DTD1: variants seen among roughly 807,000 people sequenced by gnomAD.
The protein encoded by DTD1 is D-aminoacyl-tRNA deacylase 1.
A neutral mutation model predicts 25.6 loss-of-function variants in DTD1; 13 were observed. That is an observed-to-expected ratio of 0.51 (90% CI 0.33 to 0.81). The LOEUF (loss-of-function observed/expected upper bound fraction) is 0.81, where lower values mean the gene tolerates loss of function less well. DTD1 is among the 30% of genes least tolerant of loss of function. DTD1 has a pLI of 0.02. For synonymous variants in DTD1, 110 were observed against 103.6 expected, an observed-to-expected ratio of 1.06 and a Z score of -0.37; for missense variants, 193 against 266.4, an observed-to-expected ratio of 0.72 and a Z score of 1.92.
intron 4 of DTD1, among the ~76,000 whole-genome samples, chr20:18,730,416 C>T (rs1341675141): frequency 6.6e-6 from 1 of 152,216 alleles, no homozygotes; most frequent in Non-Finnish European, 1.5e-5. Flanking sequence ...ATTTATACTC[C>T]TATCACCAAC....
rs745536238 is a variant in DTD1 at position 18,744,249 on chromosome 20, G to A, written c.627G>A (p.Pro209=). 21 of 1,611,330 alleles carry A rather than the reference G, an allele frequency of 1.3e-5. No homozygotes were observed. The highest frequency in any genetic ancestry group is 1.7e-5 in the Non-Finnish European group (20 of 1,179,794). ...GCGACGTGTCCTCTGAACGGGAGCC[G>A]TAGCTCAGGAGGCAGAATTCAGGTA... The part of the protein sequence containing the change: ...AEGDVSSERE[P] The change falls in exon 5 of 6, where the codon CCG becomes CCA. Residue 209 remains proline (P), a synonymous_variant. Transcript: ENST00000377452.
intron 4 of DTD1, among the ~76,000 whole-genome samples, chr20:18,726,538 A>G (rs2061223088): frequency 6.6e-6 from 1 of 152,152 alleles, no homozygotes; most frequent in Non-Finnish European, 1.5e-5. Flanking sequence ...CTTCACCAAA[A>G]TTTAGGTGCC....
At chr20:18,708,367 T>A (rs1377523715) in intron 4 of DTD1, among the ~76,000 whole-genome samples, 7 of 116,470 alleles carry the variant, frequency 6.0e-5, no homozygotes, top group Admixed American at 2.3e-4. Flanking sequence ...TATATATATT[T>A]TTTTTTGATA....
chr20:18,739,242 G>T (rs1300613461), intron 4 of DTD1, among the ~76,000 whole-genome samples: 2 of 152,208 alleles, frequency 1.3e-5, no homozygotes, highest in Admixed American at 1.3e-4. Flanking sequence ...TGTTCAACTA[G>T]TTCATTCTTA....
At chr20:18,633,232 C>T (rs906972887) in intron 4 of DTD1, among the ~76,000 whole-genome samples, 3 of 152,116 alleles carry the variant, frequency 2.0e-5, no homozygotes, top group Non-Finnish European at 4.4e-5. Context: ...GCTGTCTTTC[C>T]CTCCATCCCT....
intron 4 of DTD1, among the ~76,000 whole-genome samples, chr20:18,731,527 C>G (rs986231461): frequency 6.6e-6 from 1 of 152,152 alleles, no homozygotes; most frequent in Non-Finnish European, 1.5e-5. Context: ...CAATCCTTGT[C>G]CTCTTATCCA....
At chr20:18,662,514 C>T (rs1248736023) in intron 4 of DTD1, among the ~76,000 whole-genome samples, 2 of 152,202 alleles carry the variant, frequency 1.3e-5, no homozygotes, top group Non-Finnish European at 2.9e-5. Flanking sequence ...TCCACTTCTG[C>T]AAGCTGCTCC....
At chr20:18,631,025 T>G (rs2060785496) in intron 4 of DTD1, 1 of 982,038 alleles carries the variant, frequency 1.0e-6, no homozygotes, top group African/African-American at 1.7e-5. Flanking sequence ...ACCAGATACC[T>G]CCATGTTAGA....
chr20:18,761,482 C>T (rs927931071), intron 5 of DTD1, among the ~76,000 whole-genome samples: 1 of 152,072 alleles, frequency 6.6e-6, no homozygotes, highest in East Asian at 1.9e-4. Flanking sequence ...TATAGTGTCA[C>T]CTGTTTTTTA....
chr20:18,632,693 T>C (rs1032747388), intron 4 of DTD1: 2 of 970,258 alleles, frequency 2.1e-6, no homozygotes, highest in Admixed American at 6.1e-5. Flanking sequence ...AATTTCAACG[T>C]TATAGAAAAA....
intron 4 of DTD1, among the ~76,000 whole-genome samples, chr20:18,651,634 A>G (rs1433770636): frequency 6.6e-6 from 1 of 152,238 alleles, no homozygotes; most frequent in Non-Finnish European, 1.5e-5. Flanking sequence ...AGGTCCCAGC[A>G]TAGGCTGAGC....
chr20:18,737,098 C>T (rs1302837013), intron 4 of DTD1, among the ~76,000 whole-genome samples: 1 of 152,226 alleles, frequency 6.6e-6, no homozygotes, highest in African/African-American at 2.4e-5. Flanking sequence ...TCAGTTCTGC[C>T]TAGGGTGCCC....
chr20:18,737,310 C>G (rs918091993), intron 4 of DTD1, among the ~76,000 whole-genome samples: 2 of 152,190 alleles, frequency 1.3e-5, no homozygotes, highest in Non-Finnish European at 2.9e-5. Flanking sequence ...CCCTGGAGTG[C>G]CCCTGCCTTC....
At chr20:18,685,126 C>T (rs2061011577) in intron 4 of DTD1, among the ~76,000 whole-genome samples, 1 of 152,138 alleles carries the variant, frequency 6.6e-6, no homozygotes, top group Admixed American at 6.5e-5. Context: ...CAGTCCCAAA[C>T]TGCTAGCCTC....
intron 4 of DTD1, among the ~76,000 whole-genome samples, chr20:18,671,216 G>A (rs1264970979): frequency 6.6e-6 from 1 of 152,074 alleles, no homozygotes; most frequent in Non-Finnish European, 1.5e-5. Context: ...TTGAGACCTT[G>A]GTCTCATTAC....
chr20:18,681,375 CT>C (rs1186051868), intron 4 of DTD1, among the ~76,000 whole-genome samples: 1 of 152,184 alleles, frequency 6.6e-6, no homozygotes, highest in African/African-American at 2.4e-5. Context: ...CCCACAGACA[CT>C]TTTTATGGCA....
chr20:18,697,003 C>G (rs566812200), intron 4 of DTD1, among the ~76,000 whole-genome samples: 1 of 151,522 alleles, frequency 6.6e-6, no homozygotes, highest in African/African-American at 2.4e-5. Context: ...GTGGCAGAGG[C>G]GGGCAGATCA....
intron 3 of DTD1, among the ~76,000 whole-genome samples, chr20:18,608,334 C>G (rs1004018500): frequency 6.7e-6 from 1 of 149,790 alleles, no homozygotes; most frequent in Non-Finnish European, 1.5e-5. Context: ...TTGATTTTCT[C>G]TACTGGTTTC....
At chr20:18,656,036 G>A (rs1483798972) in intron 4 of DTD1, among the ~76,000 whole-genome samples, 1 of 152,154 alleles carries the variant, frequency 6.6e-6, no homozygotes, top group East Asian at 1.9e-4. Context: ...CTTCCAAAGT[G>A]CTGGGATTAC....
Sources: gnomAD v4.1 joint callset for allele counts (sites outside exome capture counted in the v4.1 genomes callset) on GRCh38, gnomAD v4.1.1 for gene constraint, MANE v1.5 for transcripts, NCBI Gene and HGNC (gene_info 2026-07-23, HGNC 2026-07-21) for gene names.